TSPAN9: variants seen among roughly 807,000 people sequenced by gnomAD.
TSPAN9 encodes tetraspanin-9.
A neutral mutation model predicts 31.0 loss-of-function variants in TSPAN9; 16 were observed. The observed-to-expected ratio is 0.52, with a 90% CI of 0.35 to 0.78. TSPAN9 has a LOEUF of 0.78. Ranked by LOEUF, TSPAN9 falls within the 30% of genes least tolerant of loss-of-function variation. The pLI, the probability that TSPAN9 is intolerant of heterozygous loss-of-function variation, is 0.01. For missense variants in TSPAN9, 272 were observed against 312.5 expected (o/e 0.87, Z 0.98); for synonymous variants, 145 against 121.6 (o/e 1.19, Z -1.27).
intron 2 of TSPAN9, among the ~76,000 whole-genome samples, chr12:3,145,477 C>T (rs561707772): frequency 3.3e-5 from 5 of 152,238 alleles, no homozygotes; most frequent in South Asian, 4.1e-4. Context: ...TTTTGATACC[C>T]GTGGGCAGAG....
intron 2 of TSPAN9, among the ~76,000 whole-genome samples, chr12:3,186,557 T>TG (rs1237188011): frequency 6.6e-6 from 1 of 151,150 alleles, no homozygotes; most frequent in African/African-American, 2.4e-5. Context: ...TGTGTGTGTG[T>TG]GTGTGTGTGT....
At chr12:3,196,092 G>A (rs1359845137) in intron 2 of TSPAN9, among the ~76,000 whole-genome samples, 5 of 152,200 alleles carry the variant, frequency 3.3e-5, no homozygotes, top group Admixed American at 6.5e-5. Context: ...TCCTTGTTCC[G>A]CGTCCTCTTA....
At position 3,113,622 on chromosome 12, in the gene TSPAN9, G is replaced by A. The variant is rs566986668; in HGVS notation, c.-18+29903G>A. 1.1e-4 allele frequency among the ~76,000 whole-genome samples: 16 copies of A among 152,282 alleles called. No individual in the cohort carries two copies. In the South Asian group the frequency reaches 3.3e-3, roughly 32 times the overall value. On this transcript the variant is annotated intron_variant, in intron 2 of 8. Coordinates refer to ENST00000011898, the MANE Select transcript of TSPAN9 (RefSeq NM_006675.5). ...GCTGCCTGGTGTGGGGTTGTACTAG[G>A]TGTATCCGATGGTTCTCAGTCCCCT... is the stretch of plus-strand genomic sequence containing the variant.
chr12:3,193,461 G>A (rs148193541), intron 2 of TSPAN9, among the ~76,000 whole-genome samples: 2,849 of 152,260 alleles, frequency 0.019, 32 homozygotes, highest in South Asian at 0.053. Context: ...TGATCTTTCC[G>A]AAGGCCCCAG....
intron 2 of TSPAN9, among the ~76,000 whole-genome samples, chr12:3,161,482 T>C (rs1051422207): frequency 6.6e-6 from 1 of 152,170 alleles, no homozygotes; most frequent in Non-Finnish European, 1.5e-5. Flanking sequence ...CCCAGCACCA[T>C]TTGTTGACAT....
chr12:3,208,329 G>C (rs1223931790), intron 3 of TSPAN9, among the ~76,000 whole-genome samples: 6 of 152,164 alleles, frequency 3.9e-5, no homozygotes, highest in Admixed American at 3.9e-4. Context: ...GGCCAGGGGG[G>C]TTTCTTGGAA....
chr12:3,175,270 C>T (rs553173882), intron 2 of TSPAN9, among the ~76,000 whole-genome samples: 4 of 152,302 alleles, frequency 2.6e-5, no homozygotes, highest in South Asian at 4.1e-4. Flanking sequence ...CAGTCTTCCT[C>T]GGCCTTGACC....
intron 2 of TSPAN9, among the ~76,000 whole-genome samples, chr12:3,150,788 G>A (rs535967437): frequency 6.6e-5 from 10 of 152,106 alleles, no homozygotes; most frequent in South Asian, 2.1e-4. Context: ...TTCACCCCAC[G>A]CCTGGCCTGG....
chr12:3,271,544 GAAAA>G (rs10709802), intron 3 of TSPAN9, among the ~76,000 whole-genome samples: 2 of 143,474 alleles, frequency 1.4e-5, no homozygotes, highest in Non-Finnish European at 3.0e-5. Flanking sequence ...GAGGTATGCA[GAAAA>G]AAAAAAAAAA....
chr12:3,167,677 A>G (rs2098349244), intron 2 of TSPAN9, among the ~76,000 whole-genome samples: 1 of 152,230 alleles, frequency 6.6e-6, no homozygotes, highest in African/African-American at 2.4e-5. Flanking sequence ...CTCCAAGTCC[A>G]GGCAACTGCT....
intron 3 of TSPAN9, among the ~76,000 whole-genome samples, chr12:3,234,605 G>C (rs2153976415): frequency 6.6e-6 from 1 of 152,290 alleles, no homozygotes; most frequent in Non-Finnish European, 1.5e-5. Flanking sequence ...TTTTGAAAAA[G>C]GCTTTCAGGT....
At chr12:3,176,243 G>A (rs1781151077) in intron 2 of TSPAN9, among the ~76,000 whole-genome samples, 1 of 152,242 alleles carries the variant, frequency 6.6e-6, no homozygotes, top group Non-Finnish European at 1.5e-5. Context: ...TGTGCAGAGT[G>A]AGAGTCTGAA....
intron 3 of TSPAN9, among the ~76,000 whole-genome samples, chr12:3,255,193 C>A (rs1245716321): frequency 6.6e-6 from 1 of 152,270 alleles, no homozygotes; most frequent in Non-Finnish European, 1.5e-5. Flanking sequence ...GCCTTCCGGC[C>A]TGACTCTGTC....
At chr12:3,140,194 A>G (rs1431447678) in intron 2 of TSPAN9, among the ~76,000 whole-genome samples, 1 of 152,090 alleles carries the variant, frequency 6.6e-6, no homozygotes, top group Non-Finnish European at 1.5e-5. Context: ...GAAAGCGTGC[A>G]TTTAGTAATG....
At chr12:3,230,737 C>G (rs1303323658) in intron 3 of TSPAN9, among the ~76,000 whole-genome samples, 1 of 152,110 alleles carries the variant, frequency 6.6e-6, no homozygotes, top group Non-Finnish European at 1.5e-5. Context: ...CCTCAGTTAT[C>G]TCCTTCCATC....
intron 3 of TSPAN9, among the ~76,000 whole-genome samples, chr12:3,249,521 A>G (rs1254385493): frequency 5.3e-5 from 8 of 151,752 alleles, no homozygotes; most frequent in African/African-American, 1.2e-4. Context: ...CCCTCCTACA[A>G]TCCTTCGTGC....
chr12:3,102,791 T>C (rs1255627131), intron 2 of TSPAN9, among the ~76,000 whole-genome samples: 1 of 152,096 alleles, frequency 6.6e-6, no homozygotes, highest in Non-Finnish European at 1.5e-5. Flanking sequence ...CTACAGTAAA[T>C]AATAACATGT....
chr12:3,081,500 C>T (rs1262637173), intron 1 of TSPAN9, among the ~76,000 whole-genome samples: 1 of 152,150 alleles, frequency 6.6e-6, no homozygotes, highest in Admixed American at 6.5e-5. Context: ...CTTTCAAGAC[C>T]TTTCTCATGT....
intron 2 of TSPAN9, among the ~76,000 whole-genome samples, chr12:3,144,919 C>T (rs117688285): frequency 0.011 from 1,669 of 152,362 alleles, 20 homozygotes; most frequent in Non-Finnish European, 0.017. Context: ...TTTCCCTATT[C>T]CCCCAGACCT....
Sources: allele counts gnomAD v4.1 joint callset (sites outside exome capture counted in the v4.1 genomes callset), GRCh38; gene constraint gnomAD v4.1.1; transcripts MANE v1.5; gene names NCBI Gene and HGNC (gene_info 2026-07-23, HGNC 2026-07-21).